SDHAF4: variants seen among roughly 807,000 people sequenced by gnomAD.
SDHAF4 encodes succinate dehydrogenase assembly factor 4, mitochondrial.
SDHAF4 carries 14 observed loss-of-function variants against 14.3 expected under a neutral mutation model. The observed-to-expected ratio is 0.98, with a 90% CI of 0.65 to 1.53. The LOEUF is 1.53. Among genes scored for constraint, SDHAF4 ranks in the 40% most tolerant of loss-of-function variants. The pLI is 0.00. For missense variants in SDHAF4, 141 were observed against 129.3 expected, an observed-to-expected ratio of 1.09 and a Z score of -0.44; for synonymous variants, 63 against 47.3, an observed-to-expected ratio of 1.33 and a Z score of -1.36.
intron 1 of SDHAF4, among the ~76,000 whole-genome samples, chr6:70,574,436 T>C (rs556449840): frequency 6.6e-6 from 1 of 152,172 alleles, no homozygotes; most frequent in Non-Finnish European, 1.5e-5. Flanking sequence ...CAGAGGGGCT[T>C]CTTTTTTTCA....
intron 2 of SDHAF4, among the ~76,000 whole-genome samples, chr6:70,583,142 T>G (rs1765154398): frequency 6.6e-6 from 1 of 152,218 alleles, no homozygotes; most frequent in Admixed American, 6.5e-5. Flanking sequence ...AGTTGGAGTC[T>G]CGCTCTGTCA....
At chr6:70,594,275 T>G (rs1011319880), downstream of SDHAF4, among the ~76,000 whole-genome samples, 2 of 152,206 alleles carry the variant, frequency 1.3e-5, no homozygotes, top group East Asian at 3.8e-4. Flanking sequence ...CCAGTGCCAG[T>G]GCCAGAATGC....
chr6:70,571,873 T>C (rs546376000), intron 1 of SDHAF4, among the ~76,000 whole-genome samples: 4 of 152,210 alleles, frequency 2.6e-5, no homozygotes, highest in African/African-American at 9.6e-5. Context: ...AGTTAACTTT[T>C]TCTGGAAAGG....
intron 1 of SDHAF4, chr6:70,567,348 A>T (rs1345512958): frequency 1.0e-5 from 3 of 290,598 alleles, no homozygotes; most frequent in Non-Finnish European, 1.9e-5. Flanking sequence ...CCAGAGAAAA[A>T]TGGAAAAGAA....
intron 1 of SDHAF4, among the ~76,000 whole-genome samples, chr6:70,570,805 C>G (rs1802169574): frequency 6.6e-6 from 1 of 152,064 alleles, no homozygotes; most frequent in South Asian, 2.1e-4. Flanking sequence ...CTCCTAATAA[C>G]TTCTAAGGCA....
chr6:70,585,564 G>A (rs1234787406), intron 2 of SDHAF4, among the ~76,000 whole-genome samples: 1 of 152,194 alleles, frequency 6.6e-6, no homozygotes, highest in Admixed American at 6.5e-5. Context: ...ACTCCACCTA[G>A]TCTATGGTAT....
Position 70,579,555 on chromosome 6 carries a change from A to C in SDHAF4, c.206A>C (p.Glu69Ala). ...CCAGAGGATTCCCATTTAGAGAAAG[A>C]ACCACTGGAAAGTAAGTATAATAAA... ...DAPEDSHLEK[E>A]PLEKFPDDVN... Residue 69 changes from glutamate to alanine, a missense_variant, in exon 2 of 3, where the codon GAA (glutamate) becomes GCA (alanine). Transcript: ENST00000370474. 6.2e-7 allele frequency: 1 copy of C among 1,600,510 alleles called. No homozygotes were observed. The highest frequency in any genetic ancestry group is 8.5e-7 in the Non-Finnish European group (1 of 1,173,166).
chr6:70,568,566 A>G (rs572174208), intron 1 of SDHAF4, among the ~76,000 whole-genome samples: 1 of 152,296 alleles, frequency 6.6e-6, no homozygotes, highest in Non-Finnish European at 1.5e-5. Context: ...AACTGTGTGA[A>G]CATATGATGC....
At chr6:70,576,901 T>C (rs530633713) in intron 1 of SDHAF4, among the ~76,000 whole-genome samples, 1 of 152,324 alleles carries the variant, frequency 6.6e-6, no homozygotes, top group Non-Finnish European at 1.5e-5. Context: ...TGCTGTAACA[T>C]ATTACCACAA....
At chr6:70,595,848 AAAAAG>A in the SDHAF4 span, among the ~76,000 whole-genome samples, 2 of 125,830 alleles carry the variant, frequency 1.6e-5, no homozygotes, top group Admixed American at 1.5e-4. Context: ...AAAAAAAAAA[AAAAAG>A]AAAAGAAAAA....
intron 1 of SDHAF4, among the ~76,000 whole-genome samples, chr6:70,574,732 C>G (rs1802228451): frequency 6.6e-6 from 1 of 152,102 alleles, no homozygotes; most frequent in Non-Finnish European, 1.5e-5. Flanking sequence ...GAGTTTAAGA[C>G]CAGCCTGGGC....
chr6:70,566,991 G>C lies in SDHAF4; in HGVS notation c.51G>C (p.Ala17=). 1.3e-6 allele frequency: 2 copies of C among 1,589,566 alleles called. No individual in the cohort carries two copies. Among genetic ancestry groups the C allele is most frequent in the Non-Finnish European group, 1.7e-6 (2 of 1,168,176 alleles). The part of the protein sequence containing the change: ...PWLLSWVSAT[A]WRAARSPLLC... ...TGCTTAGCTGGGTCTCGGCCACGGC[G>C]TGGAGAGCGGCAAGTAAGCACCTGG... Residue 17 remains alanine (A), a synonymous_variant, in exon 1 of 3, where the codon GCG becomes GCC. Coordinates refer to ENST00000370474, the MANE Select transcript of SDHAF4 (RefSeq NM_145267.3).
At chr6:70,572,566 G>T (rs1330837739) in intron 1 of SDHAF4, among the ~76,000 whole-genome samples, 1 of 151,718 alleles carries the variant, frequency 6.6e-6, no homozygotes, top group African/African-American at 2.4e-5. Context: ...AAAAAATGAA[G>T]ACTATATTGA....
At chr6:70,586,643 C>T (rs1029753864) in intron 2 of SDHAF4, among the ~76,000 whole-genome samples, 2 of 151,806 alleles carry the variant, frequency 1.3e-5, no homozygotes, top group African/African-American at 4.8e-5. Context: ...TCATATGATA[C>T]GTATTAAGTA....
the SDHAF4 span, among the ~76,000 whole-genome samples, chr6:70,594,792 A>C: frequency 1.3e-3 from 202 of 152,184 alleles, 2 homozygotes; most frequent in African/African-American, 4.8e-3. Flanking sequence ...CACACCTGTA[A>C]TCCCAGCTAC....
At chr6:70,585,505 T>C (rs1338166888) in intron 2 of SDHAF4, among the ~76,000 whole-genome samples, 5 of 152,124 alleles carry the variant, frequency 3.3e-5, no homozygotes. Context: ...CCACCCTGAT[T>C]TCAGCCTACC....
At chr6:70,585,242 C>T (rs1430412804) in intron 2 of SDHAF4, among the ~76,000 whole-genome samples, 1 of 152,192 alleles carries the variant, frequency 6.6e-6, no homozygotes, top group East Asian at 1.9e-4. Context: ...CTGTTTTACA[C>T]TTTGTGTTAT....
intron 1 of SDHAF4, among the ~76,000 whole-genome samples, chr6:70,571,741 A>C (rs1802181514): frequency 6.6e-6 from 1 of 152,040 alleles, no homozygotes; most frequent in Admixed American, 6.6e-5. Context: ...GTTTGTTACA[A>C]CTCACCTGCA....
the SDHAF4 span, among the ~76,000 whole-genome samples, chr6:70,595,481 A>G: frequency 2.6e-5 from 4 of 152,230 alleles, no homozygotes; most frequent in Non-Finnish European, 5.9e-5. Flanking sequence ...TGCAATTACT[A>G]TGTGTGCTAC....
Sources: allele counts gnomAD v4.1 joint callset (sites outside exome capture counted in the v4.1 genomes callset), GRCh38; gene constraint gnomAD v4.1.1; transcripts MANE v1.5; gene names NCBI Gene and HGNC (gene_info 2026-07-23, HGNC 2026-07-21).